SLC24A2: variants seen among roughly 807,000 people sequenced by gnomAD.
SLC24A2 encodes sodium/potassium/calcium exchanger 2.
A neutral mutation model predicts 62.0 loss-of-function variants in SLC24A2; 36 were observed. The ratio of observed to expected loss-of-function variants is 0.58; its 90% CI spans 0.44 to 0.77. SLC24A2 has a LOEUF of 0.77. SLC24A2 is among the 30% of genes least tolerant of loss of function. The pLI is 0.00. For synonymous variants in SLC24A2, 358 were observed against 294.0 expected, an observed-to-expected ratio of 1.22 and a Z score of -2.23; for missense variants, 846 against 817.9, an observed-to-expected ratio of 1.03 and a Z score of -0.42.
chr9:19,644,283 G>A (rs1189175788), intron 2 of SLC24A2, among the ~76,000 whole-genome samples: 1 of 152,214 alleles, frequency 6.6e-6, no homozygotes, highest in Non-Finnish European at 1.5e-5. Flanking sequence ...CAATTCATGT[G>A]AATGCAGGTA....
At chr9:20,276,306 G>A in the SLC24A2 span, among the ~76,000 whole-genome samples, 1 of 152,168 alleles carries the variant, frequency 6.6e-6, no homozygotes, top group Admixed American at 6.5e-5. Context: ...AAAACAAAGG[G>A]GCTACAGGCC....
At chr9:20,222,136 G>T in the SLC24A2 span, among the ~76,000 whole-genome samples, 1 of 151,826 alleles carries the variant, frequency 6.6e-6, no homozygotes, top group Non-Finnish European at 1.5e-5. Flanking sequence ...ACGAAATAAT[G>T]GTAGAAAATG....
At chr9:19,652,477 G>A (rs1033576407) in intron 2 of SLC24A2, among the ~76,000 whole-genome samples, 21 of 152,134 alleles carry the variant, frequency 1.4e-4, no homozygotes, top group African/African-American at 5.1e-4. Flanking sequence ...AAGGAGGTGT[G>A]ACCATGAAAC....
chr9:20,046,293 T>G, the SLC24A2 span, among the ~76,000 whole-genome samples: 4 of 151,956 alleles, frequency 2.6e-5, no homozygotes, highest in African/African-American at 9.7e-5. Context: ...CTGAAGTAAG[T>G]AAGGAAAGAA....
chr9:20,099,262 T>C, the SLC24A2 span, among the ~76,000 whole-genome samples: 6 of 152,236 alleles, frequency 3.9e-5, no homozygotes, highest in Non-Finnish European at 8.8e-5. Flanking sequence ...TAGGAGAAAG[T>C]ACTTGATAAT....
Position 19,520,968 on chromosome 9 carries a change from T to G in SLC24A2, c.1662A>C (p.Ile554=). The change falls in exon 10 of 11, where the codon ATA becomes ATC. Residue 554 remains isoleucine, a synonymous_variant. Coordinates refer to ENST00000341998, the MANE Select transcript of SLC24A2 (RefSeq NM_020344.4). ...TGTCCCCTAACCCCTTCCGGGCCAC[T>G]ATGACACTGGTGATAAGATCAGGGA... is the stretch of plus-strand genomic sequence containing the variant. ...TSIPDLITSV[I]VARKGLGDMA... is the part of the protein sequence containing the mutation. 6.2e-7 allele frequency: 1 copy of G among 1,614,042 alleles called. No individual in the cohort carries two copies. Among genetic ancestry groups the G allele is most frequent in the Non-Finnish European group, 8.5e-7 (1 of 1,179,988 alleles).
At chr9:19,964,786 T>G in the SLC24A2 span, among the ~76,000 whole-genome samples, 2 of 152,362 alleles carry the variant, frequency 1.3e-5, no homozygotes, top group South Asian at 4.1e-4. Context: ...GGCCTGCCAT[T>G]GCTCTACCTT....
the SLC24A2 span, among the ~76,000 whole-genome samples, chr9:19,858,592 T>A: frequency 6.6e-6 from 1 of 152,150 alleles, no homozygotes; most frequent in East Asian, 1.9e-4. Flanking sequence ...ATCTGCAAAG[T>A]ATGCATCTGA....
chr9:19,640,065 C>T (rs62563282), intron 2 of SLC24A2, among the ~76,000 whole-genome samples: 3,024 of 152,268 alleles, frequency 0.02, 48 homozygotes, highest in Middle Eastern at 0.034. Context: ...CTGCCTGGTT[C>T]TTTCAGTTGA....
intron 2 of SLC24A2, among the ~76,000 whole-genome samples, chr9:19,636,000 A>C: frequency 6.6e-6 from 1 of 152,200 alleles, no homozygotes; most frequent in Admixed American, 6.5e-5. Flanking sequence ...TGGTGTTTAC[A>C]CTTTCGTCCC....
chr9:19,821,312 A>T, the SLC24A2 span, among the ~76,000 whole-genome samples: 13 of 152,170 alleles, frequency 8.5e-5, no homozygotes, highest in African/African-American at 3.1e-4. Flanking sequence ...ATACAGAAAT[A>T]AATGCACAGT....
the SLC24A2 span, among the ~76,000 whole-genome samples, chr9:20,160,061 A>G: frequency 6.6e-6 from 1 of 151,462 alleles, no homozygotes; most frequent in Non-Finnish European, 1.5e-5. Context: ...CACCTAAAAC[A>G]GTAATTCATA....
chr9:20,172,091 T>A, the SLC24A2 span, among the ~76,000 whole-genome samples: 1 of 152,042 alleles, frequency 6.6e-6, no homozygotes, highest in Non-Finnish European at 1.5e-5. Context: ...ACATGGAAAT[T>A]AAATAATCTG....
intron 2 of SLC24A2, among the ~76,000 whole-genome samples, chr9:19,674,445 T>C (rs1218311884): frequency 1.3e-5 from 2 of 152,204 alleles, no homozygotes; most frequent in Non-Finnish European, 2.9e-5. Flanking sequence ...TCCTTGATTA[T>C]CCCCTCAAAT....
chr9:19,996,987 G>C, the SLC24A2 span, among the ~76,000 whole-genome samples: 1 of 151,930 alleles, frequency 6.6e-6, no homozygotes. Context: ...ACAAAAGAGA[G>C]GGAGACAACG....
intron 4 of SLC24A2, among the ~76,000 whole-genome samples, chr9:19,605,244 G>C (rs554604007): frequency 6.6e-6 from 1 of 152,204 alleles, no homozygotes. Context: ...AATTAATAGA[G>C]AGAATAAATG....
the SLC24A2 span, among the ~76,000 whole-genome samples, chr9:20,071,102 G>T: frequency 6.6e-6 from 1 of 152,120 alleles, no homozygotes; most frequent in Non-Finnish European, 1.5e-5. Context: ...CTCCCTCCTT[G>T]CCTTCCACCA....
chr9:20,120,010 T>C, the SLC24A2 span, among the ~76,000 whole-genome samples: 1 of 152,114 alleles, frequency 6.6e-6, no homozygotes, highest in Non-Finnish European at 1.5e-5. Flanking sequence ...CAGGGCTGTG[T>C]TTCAATCTGT....
chr9:20,260,307 G>A, the SLC24A2 span, among the ~76,000 whole-genome samples: 1 of 152,158 alleles, frequency 6.6e-6, no homozygotes, highest in Admixed American at 6.5e-5. Context: ...AGAACTTGGA[G>A]CCAATAAATT....
Sources: allele counts gnomAD v4.1 joint callset (sites outside exome capture counted in the v4.1 genomes callset), GRCh38; gene constraint gnomAD v4.1.1; transcripts MANE v1.5; gene names NCBI Gene and HGNC (gene_info 2026-07-23, HGNC 2026-07-21).